TWSG1: variants seen among roughly 807,000 people sequenced by gnomAD.
The protein encoded by TWSG1 is twisted gastrulation protein homolog 1.
TWSG1 carries 15 observed loss-of-function variants against 23.0 expected under a neutral mutation model. The ratio of observed to expected loss-of-function variants is 0.65; its 90% CI spans 0.44 to 1.00. TWSG1 has a LOEUF of 1.00. Among genes scored for constraint, TWSG1 ranks in the 50% least tolerant of loss-of-function variants. The pLI, the probability that TWSG1 is intolerant of heterozygous loss-of-function variation, is 0.00. For synonymous variants in TWSG1, 86 were observed against 92.8 expected (o/e 0.93, Z 0.42); for missense variants, 242 against 278.7 (o/e 0.87, Z 0.94).
intron 3 of TWSG1, among the ~76,000 whole-genome samples, chr18:9,394,964 A>C (rs1450119478): frequency 6.6e-6 from 1 of 152,166 alleles, no homozygotes; most frequent in Non-Finnish European, 1.5e-5. Flanking sequence ...TTGCTACCCA[A>C]TCCACAAACC....
At chr18:9,388,976 G>C (rs2145631296) in intron 3 of TWSG1, among the ~76,000 whole-genome samples, 1 of 152,032 alleles carries the variant, frequency 6.6e-6, no homozygotes, top group African/African-American at 2.4e-5. Flanking sequence ...CTTTTTGTTT[G>C]TTTGTTTGTT....
chr18:9,361,450 G>GTAC, intron 3 of TWSG1, among the ~76,000 whole-genome samples: 1 of 152,344 alleles, frequency 6.6e-6, no homozygotes, highest in East Asian at 1.9e-4. Flanking sequence ...CGGACTGGGA[G>GTAC]TACTTAATCC....
At chr18:9,367,836 CATTGTATATAAAGTGGA>C (rs1443312368) in intron 3 of TWSG1, among the ~76,000 whole-genome samples, 1 of 152,102 alleles carries the variant, frequency 6.6e-6, no homozygotes, top group African/African-American at 2.4e-5. Context: ...AATAGTATTC[CATTGTATATAAAGTGGA>C]ATTGTATTTT....
intron 2 of TWSG1, among the ~76,000 whole-genome samples, chr18:9,340,091 G>A (rs1262066970): frequency 6.6e-6 from 1 of 151,934 alleles, no homozygotes; most frequent in Non-Finnish European, 1.5e-5. Flanking sequence ...GGGCTGGGCC[G>A]GGCGCGGTGG....
At chr18:9,350,029 A>G (rs1273467250) in intron 2 of TWSG1, among the ~76,000 whole-genome samples, 2 of 152,086 alleles carry the variant, frequency 1.3e-5, no homozygotes, top group East Asian at 3.9e-4. Flanking sequence ...AATCCCAGCT[A>G]CTCAGGAGGC....
At chr18:9,371,628 T>C (rs2040605721) in intron 3 of TWSG1, among the ~76,000 whole-genome samples, 2 of 152,066 alleles carry the variant, frequency 1.3e-5, no homozygotes, top group Non-Finnish European at 2.9e-5. Flanking sequence ...TTGCCTTCCT[T>C]ATCCTAAAAA....
intron 3 of TWSG1, among the ~76,000 whole-genome samples, chr18:9,367,840 G>T (rs571595744): frequency 6.6e-6 from 1 of 152,214 alleles, no homozygotes; most frequent in South Asian, 2.1e-4. Flanking sequence ...GTATTCCATT[G>T]TATATAAAGT....
chr18:9,340,576 G>A (rs1487993247), intron 2 of TWSG1, among the ~76,000 whole-genome samples: 1 of 152,014 alleles, frequency 6.6e-6, no homozygotes, highest in Non-Finnish European at 1.5e-5. Context: ...TGGCTGTGTG[G>A]CAAACCACCC....
At chr18:9,370,725 C>T (rs1394962460) in intron 3 of TWSG1, among the ~76,000 whole-genome samples, 2 of 152,126 alleles carry the variant, frequency 1.3e-5, no homozygotes, top group African/African-American at 4.8e-5. Flanking sequence ...TTAACTCCAG[C>T]CATAGATGTT....
chr18:9,371,158 G>T (rs2040603182), intron 3 of TWSG1, among the ~76,000 whole-genome samples: 1 of 151,962 alleles, frequency 6.6e-6, no homozygotes, highest in Non-Finnish European at 1.5e-5. Context: ...AGTCCCTTAA[G>T]TTGCCACAAA....
intron 3 of TWSG1, among the ~76,000 whole-genome samples, chr18:9,394,851 C>T (rs1012215613): frequency 2.0e-5 from 3 of 152,106 alleles, no homozygotes; most frequent in Admixed American, 6.5e-5. Context: ...AACAATGTCC[C>T]ATTACCACTA....
chr18:9,343,520 C>G (rs2040457575), intron 2 of TWSG1, among the ~76,000 whole-genome samples: 1 of 151,972 alleles, frequency 6.6e-6, no homozygotes, highest in African/African-American at 2.4e-5. Flanking sequence ...TCACCACAAT[C>G]TAATTTCAGA....
chr18:9,379,352 A>G (rs540535607), intron 3 of TWSG1, among the ~76,000 whole-genome samples: 7 of 152,288 alleles, frequency 4.6e-5, no homozygotes, highest in African/African-American at 1.4e-4. Context: ...GAATGCGATC[A>G]TGTCCTTTGC....
At chr18:9,397,985 CT>C (rs775608629) in intron 4 of TWSG1, among the ~76,000 whole-genome samples, 8 of 116,776 alleles carry the variant, frequency 6.9e-5, no homozygotes, top group Non-Finnish European at 1.3e-4. Context: ...GCCTGGGCAA[CT>C]AGAGCAAAAC....
Position 9,396,517 on chromosome 18 carries a change from A to G in TWSG1, c.461A>G (p.Asn154Ser). The G allele has an allele frequency of 6.2e-7, 1 of 1,613,446 alleles. No homozygotes were observed. Among genetic ancestry groups the G allele is most frequent in the Non-Finnish European group, 8.5e-7 (1 of 1,180,030 alleles). The change falls in exon 4 of 5, where the codon AAT becomes AGT. Residue 154 changes from asparagine (N) to serine (S), a missense_variant. By Grantham distance (46) the Asn-to-Ser change is conservative. Transcript: ENST00000262120. The part of the protein sequence containing the change: ...HHQNVSVPSN[N>S]VHAPYSSDKE... ...CAGAATGTGTCTGTCCCCAGCAATAATGTTCACGCGCCTTATTCCAGTGAC... is the reference window on the plus strand; with the variant it reads ...CAGAATGTGTCTGTCCCCAGCAATAGTGTTCACGCGCCTTATTCCAGTGAC...
chr18:9,399,059 A>G (rs1308890835), intron 4 of TWSG1, among the ~76,000 whole-genome samples: 1 of 152,178 alleles, frequency 6.6e-6, no homozygotes, highest in Non-Finnish European at 1.5e-5. Flanking sequence ...TAACATAGCA[A>G]ATGTTTTTAA....
Position 9,399,363 on chromosome 18 carries a change from G to T in TWSG1, c.508G>T (p.Val170Phe). The change falls in exon 5 of 5, where the codon GTT becomes TTT. Residue 170 changes from valine (V) to phenylalanine (F), a missense_variant. Val to Phe is a conservative substitution (Grantham distance 50). Transcript: ENST00000262120. Reference sequence around the variant, plus strand: ...TTTTTCAGAACACATGTGTACTGTGGTTTATTTTGATGACTGCATGTCCAT... The same window carrying T: ...TTTTTCAGAACACATGTGTACTGTGTTTTATTTTGATGACTGCATGTCCAT... ...SSDKEHMCTV[V>F]YFDDCMSIHQ... is the part of the protein sequence containing the mutation. 1 of 1,606,510 alleles carries T rather than the reference G, an allele frequency of 6.2e-7. No individual in the cohort carries two copies. Among genetic ancestry groups the T allele is most frequent in the South Asian group, 1.1e-5 (1 of 89,156 alleles).
In TWSG1 at chr18:9,343,210, TTATATATATATATATATATATATA is replaced by T. The variant is rs6146209; in HGVS notation, c.123+5886_123+5909del. 3.1e-3 allele frequency among the ~76,000 whole-genome samples: 409 copies of T among 132,118 alleles called. 8 individuals carry two copies. Among genetic ancestry groups the T allele is most frequent in the African/African-American group, 0.011 (386 of 34,840 alleles). 86.7% of individuals were successfully genotyped at this position (132,118 alleles called of 152,430 possible). A position where few individuals can be genotyped will look rare whatever the true frequency, so the allele number is the denominator to read the frequency against. ...AGGAAATGCCCTGTTTTGTTTTTTG[TTATATATATATATATATATATATA>T]TATATATATATATATATATATATAT... On this transcript the variant is annotated intron_variant, in intron 2 of 4. Coordinates refer to ENST00000262120, the MANE Select transcript of TWSG1 (RefSeq NM_020648.6).
intron 2 of TWSG1, among the ~76,000 whole-genome samples, chr18:9,338,650 T>C (rs1412630482): frequency 6.6e-6 from 1 of 152,248 alleles, no homozygotes. Flanking sequence ...TGTGGAAATC[T>C]TAATAAGGCA....
Sources: allele counts gnomAD v4.1 joint callset (sites outside exome capture counted in the v4.1 genomes callset), GRCh38; gene constraint gnomAD v4.1.1; transcripts MANE v1.5; gene names NCBI Gene and HGNC (gene_info 2026-07-23, HGNC 2026-07-21).